CARD14: variants seen among roughly 807,000 people sequenced by gnomAD.
The protein encoded by CARD14 is caspase recruitment domain-containing protein 14.
Under a neutral mutation model 111.5 loss-of-function variants are expected in CARD14, and 107 were observed. That is an observed-to-expected ratio of 0.96 (90% confidence interval 0.82 to 1.13). The LOEUF is 1.13. CARD14 is among the 50% of genes most tolerant of loss of function. The probability of loss-of-function intolerance (pLI) is 0.00; values close to 1 mark genes in which losing one functional copy is unlikely to be tolerated. For missense variants in CARD14, 1,322 were observed against 1,362.3 expected (o/e 0.97, Z 0.47); for synonymous variants, 617 against 579.6 (o/e 1.06, Z -0.93).
rs747461948 is a variant in CARD14, at chr17:80,201,854, G to A, written c.1962G>A (p.Val654=). 1.8e-5 allele frequency: 29 copies of A among 1,613,592 alleles called. No homozygotes were observed. Among genetic ancestry groups the A allele is most frequent in the Non-Finnish European group, 2.4e-5 (28 of 1,179,824 alleles). ...TGGACGGCTTCTGCTGCCTGTCTGTGAAGGTCAACACGGACGGTACACATA... is the reference window on the plus strand; with the variant it reads ...TGGACGGCTTCTGCTGCCTGTCTGTAAAGGTCAACACGGACGGTACACATA... ...RRVDGFCCLS[V]KVNTDGYKRL... is the part of the protein sequence containing the mutation. Residue 654 remains valine (V), a synonymous_variant, in exon 17 of 24, where the codon GTG becomes GTA. Coordinates refer to ENST00000648509, the MANE Select transcript of CARD14 (RefSeq NM_001366385.1). The surrounding 1 kb of genome is among the most constrained non-coding windows in gnomAD (Gnocchi z 5.0).
At position 80,208,638 on chromosome 17, in the gene CARD14, C is replaced by T; in HGVS notation, c.*293C>T. 2.9e-6 allele frequency: 1 copy of T among 339,346 alleles called. No homozygotes were observed. Among genetic ancestry groups the T allele is most frequent in the Non-Finnish European group, 5.3e-6 (1 of 187,508 alleles). The allele number at this position is 339,346 out of a possible 1,614,324, so 21.0% of individuals were successfully genotyped here. On this transcript the variant is annotated 3_prime_UTR_variant, in exon 24 of 24. Coordinates refer to ENST00000648509, the MANE Select transcript of CARD14 (RefSeq NM_001366385.1). ...TGCAGTGGGACAGGAGGGACGTCTT[C>T]CCATGCCTTCCCTAGAACCGGAGGC... is the stretch of plus-strand genomic sequence containing the variant.
At position 80,209,142 on chromosome 17, in the gene CARD14, CG is replaced by C. The variant is rs200817193; in HGVS notation, c.*801del. On this transcript the variant is annotated 3_prime_UTR_variant, in exon 24 of 24. Coordinates refer to ENST00000648509, the MANE Select transcript of CARD14 (RefSeq NM_001366385.1). The stretch of plus-strand genomic sequence containing the variant: ...ACATCTTTACTCCACCTTCAGGGCT[CG>C]GGGAGGACCCAGGTCCGCCAGCACC... 2.2e-3 allele frequency: 462 copies of C among 214,884 alleles called. 6 individuals are homozygous for C. In the South Asian group the frequency reaches 0.025, roughly 12 times the overall value. 13.3% of individuals were successfully genotyped at this position (214,884 alleles called of 1,614,324 possible). A position where few individuals can be genotyped will look rare whatever the true frequency, so the allele number is the denominator to read the frequency against.
At position 80,198,317 on chromosome 17, in the gene CARD14, C is replaced by A; in HGVS notation, c.1659-82C>A. On this transcript the variant is annotated intron_variant, in intron 15 of 23. Transcript: ENST00000648509. The surrounding 1 kb of genome is among the most constrained non-coding windows in gnomAD (Gnocchi z 7.5). ...GGAGGAGAATTCCAGAACACTGGGG[C>A]CAGAGGGAAGCAATGGGGAGGTGGC... 1 of 1,562,890 alleles carries A rather than the reference C, an allele frequency of 6.4e-7. No homozygotes were observed.
chr17:80,202,267 G>A lies in CARD14; in HGVS notation c.2066G>A (p.Gly689Asp), dbSNP rs139702878. Residue 689 changes from glycine to aspartate, a missense_variant, in exon 18 of 24, where the codon GGC (glycine) becomes GAC (aspartate). Transcript: ENST00000648509. ...ATCCGGGTCAACCTGGCCATGGAGG[G>A]CAGGGCCAAAGGGGAGCTGCAGGTG... ...FYIRVNLAME[G>D]RAKGELQVHC... 1.9e-6 allele frequency: 3 copies of A among 1,613,884 alleles called. No homozygotes were observed. Among genetic ancestry groups the A allele is most frequent in the Non-Finnish European group, 2.5e-6 (3 of 1,180,042 alleles).
chr17:80,190,387 C>T (rs924045124), intron 9 of CARD14, among the ~76,000 whole-genome samples: 5 of 151,992 alleles, frequency 3.3e-5, no homozygotes, highest in East Asian at 3.9e-4. Context: ...CCGAGGCAGG[C>T]GGATCACTTG....
At position 80,195,301 on chromosome 17, in the gene CARD14, C is replaced by A; in HGVS notation, c.1467C>A (p.Ala489=). 1 of 1,612,750 alleles carries A rather than the reference C, an allele frequency of 6.2e-7. No individual in the cohort carries two copies. ...PSQQSLYKRV[A]EDFGEEPWSF... The stretch of plus-strand genomic sequence containing the variant: ...AGCAGTCCCTGTACAAGCGGGTGGC[C>A]GAGGACTTCGGGGAAGAACCCTGGT... Residue 489 remains alanine (A), a synonymous_variant, in exon 13 of 24, where the codon GCC becomes GCA. Transcript: ENST00000648509. The surrounding 1 kb of genome is among the most constrained non-coding windows in gnomAD (Gnocchi z 4.7).
intron 12 of CARD14, among the ~76,000 whole-genome samples, chr17:80,194,979 G>T (rs1042632825): frequency 6.6e-6 from 1 of 152,228 alleles, no homozygotes; most frequent in Admixed American, 6.5e-5. Flanking sequence ...CATACAGCAT[G>T]TGTCAGTGCT....
At position 80,188,740 on chromosome 17, in the gene CARD14, A is replaced by C. The variant is rs987419327; in HGVS notation, c.843+196A>C. 2.2e-6 allele frequency: 1 copy of C among 463,432 alleles called. No homozygotes were observed. The highest frequency in any genetic ancestry group is 2.0e-5 in the African/African-American group (1 of 49,542). 28.7% of individuals were successfully genotyped at this position (463,432 alleles called of 1,614,324 possible). On this transcript the variant is annotated intron_variant, in intron 8 of 23. Transcript: ENST00000648509. This position sits in a 1 kb window ranked among gnomAD's most constrained non-coding sequence, Gnocchi z 4.5. Reference sequence around the variant, plus strand: ...CCAGACCCCAAAATTGGCAGAATTAAAAGCTGCTGGAACAGAATTAAAAGC... The same window carrying C: ...CCAGACCCCAAAATTGGCAGAATTACAAGCTGCTGGAACAGAATTAAAAGC...
intron 16 of CARD14, among the ~76,000 whole-genome samples, chr17:80,200,070 C>T (rs1397342535): frequency 6.6e-6 from 1 of 151,762 alleles, no homozygotes; most frequent in African/African-American, 2.4e-5. Flanking sequence ...GCGTCTGAAC[C>T]CCTCAGGCAG....
Position 80,208,163 on chromosome 17 carries a change from T to TCA in CARD14, c.2834_2835dup (p.Glu946GlnfsTer77), listed in dbSNP as rs1191746036. ...GAAGGGCCTACAGCGGTTGGGCACCTCAGAGGAGCAGCTCCTGGAGGCTGC... is the reference window on the plus strand; with the variant it reads ...GAAGGGCCTACAGCGGTTGGGCACCTCACAGAGGAGCAGCTCCTGGAGGCTGC... On this transcript the variant is annotated frameshift_variant, in exon 24 of 24. Transcript: ENST00000648509. LOFTEE classifies it low-confidence loss of function (END_TRUNC). 1.3e-6 allele frequency: 2 copies of TCA among 1,537,840 alleles called. No homozygotes were observed. The highest frequency in any genetic ancestry group is 2.7e-5 in the African/African-American group (2 of 72,822).
At chr17:80,172,324 C>G (rs1463826520) in intron 1 of CARD14, among the ~76,000 whole-genome samples, 1 of 152,178 alleles carries the variant, frequency 6.6e-6, no homozygotes, top group Non-Finnish European at 1.5e-5. Flanking sequence ...GATTTGGGGG[C>G]AAATACTGGG....
chr17:80,206,314 A>AAATTAAAAAG (rs2144590563), intron 22 of CARD14, among the ~76,000 whole-genome samples: 1 of 152,306 alleles, frequency 6.6e-6, no homozygotes, highest in East Asian at 1.9e-4. Flanking sequence ...AAATTAAAAA[A>AAATTAAAAAG]TAAAAAGAGA....
In CARD14 at chr17:80,195,550, C is replaced by A; in HGVS notation, c.1500-8C>A. 1 of 1,607,702 alleles carries A rather than the reference C, an allele frequency of 6.2e-7. No homozygotes were observed. Among genetic ancestry groups the A allele is most frequent in the South Asian group, 1.1e-5 (1 of 90,480 alleles). On this transcript the variant is annotated splice_polypyrimidine_tract_variant and splice_region_variant and intron_variant, in intron 13 of 23. Transcript: ENST00000648509. The surrounding 1 kb of genome is among the most constrained non-coding windows in gnomAD (Gnocchi z 4.7). ...CAGTTTGAGCCTGCTGCTGCTTATG[C>A]TTTGCAGCAGCTGCCTGGAGATCCC...
At chr17:80,186,686 T>C (rs549635103) in intron 7 of CARD14, among the ~76,000 whole-genome samples, 15 of 152,206 alleles carry the variant, frequency 9.9e-5, no homozygotes, top group African/African-American at 3.6e-4. Flanking sequence ...GCAGCTGGGA[T>C]TATAGGCGCG....
At position 80,173,318 on chromosome 17, in the gene CARD14, ACACACACGCG is replaced by A. The variant is rs766706478; in HGVS notation, c.-367+92_-367+101del. On this transcript the variant is annotated intron_variant, in intron 2 of 23. Coordinates refer to ENST00000648509, the MANE Select transcript of CARD14 (RefSeq NM_001366385.1). ...CTCATGCACACACACACACACACACACACACACGCGCGCGCGCGCGCGCGGAATGACAGGA... is the reference window on the plus strand; with the variant it reads ...CTCATGCACACACACACACACACACACGCGCGCGCGCGCGGAATGACAGGA... 257 of 112,170 alleles carry A rather than the reference ACACACACGCG, an allele frequency of 2.3e-3. 2 individuals are homozygous for A. Among genetic ancestry groups the A allele is most frequent in the Middle Eastern group, 4.5e-3 (1 of 224 alleles). 6.9% of individuals were successfully genotyped at this position (112,170 alleles called of 1,614,324 possible).
intron 2 of CARD14, among the ~76,000 whole-genome samples, chr17:80,173,489 A>T (rs1314353395): frequency 6.6e-6 from 1 of 152,174 alleles, no homozygotes; most frequent in Non-Finnish European, 1.5e-5. Flanking sequence ...ATTTTACTTA[A>T]ATTTTAGTTC....
chr17:80,192,495 T>C lies in CARD14; in HGVS notation c.1240-8T>C. ...AATTAACCAGCCTGTCTGGCCTGTC[T>C]TTGGCAGCTCAAGCAGGAAGCCAGG... On this transcript the variant is annotated splice_region_variant and splice_polypyrimidine_tract_variant and intron_variant, in intron 11 of 23. Coordinates refer to ENST00000648509, the MANE Select transcript of CARD14 (RefSeq NM_001366385.1). The C allele has an allele frequency of 6.2e-7, 1 of 1,612,020 alleles. No individual in the cohort carries two copies. The highest frequency in any genetic ancestry group is 8.5e-7 in the Non-Finnish European group (1 of 1,178,596).
In CARD14 at chr17:80,209,260, T is replaced by C; in HGVS notation, c.*915T>C. On this transcript the variant is annotated 3_prime_UTR_variant, in exon 24 of 24. Transcript: ENST00000648509. ...TCAGGAAGCTGTTCTAGAATTCAGG[T>C]TGGTATCATCATAAATGAGTTCAGA... 2.1e-6 allele frequency: 2 copies of C among 930,482 alleles called. No individual in the cohort carries two copies. Among genetic ancestry groups the C allele is most frequent in the Non-Finnish European group, 2.6e-6 (2 of 779,854 alleles). The allele number at this position is 930,482 out of a possible 1,614,324, so 57.6% of individuals were successfully genotyped here. A position where few individuals can be genotyped will look rare whatever the true frequency, so the allele number is the denominator to read the frequency against.
At chr17:80,179,645 C>A (rs1296184785) in intron 4 of CARD14, among the ~76,000 whole-genome samples, 1 of 152,174 alleles carries the variant, frequency 6.6e-6, no homozygotes, top group Non-Finnish European at 1.5e-5. Flanking sequence ...CCAGCCTGAG[C>A]AACATACGGA....
Sources: gnomAD v4.1 joint callset for allele counts (sites outside exome capture counted in the v4.1 genomes callset) on GRCh38, gnomAD v4.1.1 for gene constraint, Gnocchi (gnomAD v3.1) non-coding constraint, MANE v1.5 for transcripts, NCBI Gene and HGNC (gene_info 2026-07-23, HGNC 2026-07-21) for gene names.